TMEM178B: variants seen among roughly 807,000 people sequenced by gnomAD.
TMEM178B encodes the protein transmembrane protein 178B.
Under a neutral mutation model 31.0 loss-of-function variants are expected in TMEM178B, and 5 were observed. The ratio of observed to expected loss-of-function variants is 0.16; its 90% CI spans 0.08 to 0.34. The LOEUF (loss-of-function observed/expected upper bound fraction) is 0.34. Ranked by LOEUF, TMEM178B falls within the 10% of genes least tolerant of loss-of-function variation. The pLI, the probability that TMEM178B is intolerant of heterozygous loss-of-function variation, is 1.00. For missense variants in TMEM178B, 275 were observed against 400.3 expected (o/e 0.69, Z 2.67); for synonymous variants, 164 against 164.0 (o/e 1.00, Z 0.00).
chr7:141,468,000 A>G (rs1802176105), intron 3 of TMEM178B, among the ~76,000 whole-genome samples: 1 of 151,804 alleles, frequency 6.6e-6, no homozygotes, highest in Non-Finnish European at 1.5e-5. Flanking sequence ...CAAAACAACA[A>G]TAAAATAAAA....
At chr7:141,216,455 G>GCGCA (rs1797151308) in intron 2 of TMEM178B, among the ~76,000 whole-genome samples, 2 of 25,596 alleles carry the variant, frequency 7.8e-5, no homozygotes, top group African/African-American at 1.4e-4. Context: ...GTGTGCGCGC[G>GCGCA]CGCGCGCGTG....
chr7:141,274,114 A>G (rs1224449421), intron 2 of TMEM178B, among the ~76,000 whole-genome samples: 1 of 152,168 alleles, frequency 6.6e-6, no homozygotes, highest in Non-Finnish European at 1.5e-5. Flanking sequence ...GAGCTTTTCT[A>G]TGCCACTCCT....
At chr7:141,510,685 C>CAAAAAAAAAAAAAAAAAAAAAAAAAA in the TMEM178B span, among the ~76,000 whole-genome samples, 24 of 24,966 alleles carry the variant, frequency 9.6e-4, 6 homozygotes, top group Non-Finnish European at 1.3e-3. Context: ...AACTCCGTCT[C>CAAAAAAAAAAAAAAAAAAAAAAAAAA]AAAAAAAAAA....
intron 1 of TMEM178B, among the ~76,000 whole-genome samples, chr7:141,199,477 A>G (rs1796840674): frequency 6.6e-6 from 1 of 152,234 alleles, no homozygotes; most frequent in South Asian, 2.1e-4. Flanking sequence ...CATCCGTTGT[A>G]GTGGGAGAGG....
intron 1 of TMEM178B, among the ~76,000 whole-genome samples, chr7:141,195,611 C>T (rs1586819967): frequency 1.3e-5 from 2 of 152,228 alleles, no homozygotes; most frequent in South Asian, 4.1e-4. Context: ...TCTGAGCCCT[C>T]CAAACTGTTC....
chr7:141,490,507 G>T, the TMEM178B span, among the ~76,000 whole-genome samples: 1 of 152,226 alleles, frequency 6.6e-6, no homozygotes, highest in African/African-American at 2.4e-5. Flanking sequence ...GCATGGAACA[G>T]ATTCTCCCTC....
intron 2 of TMEM178B, among the ~76,000 whole-genome samples, chr7:141,327,574 C>A (rs971758072): frequency 6.6e-6 from 1 of 152,100 alleles, no homozygotes; most frequent in Non-Finnish European, 1.5e-5. Context: ...ATGTTCAAAT[C>A]CCTTTTTGGG....
chr7:141,345,239 A>C (rs1799598574), intron 2 of TMEM178B, among the ~76,000 whole-genome samples: 1 of 152,176 alleles, frequency 6.6e-6, no homozygotes, highest in Admixed American at 6.5e-5. Context: ...CAATAGTACC[A>C]AAGTCAGCAA....
intron 1 of TMEM178B, among the ~76,000 whole-genome samples, chr7:141,111,354 T>G (rs1311509756): frequency 6.6e-6 from 1 of 152,036 alleles, no homozygotes; most frequent in Non-Finnish European, 1.5e-5. Flanking sequence ...CCATGACACT[T>G]GAGGATTATG....
intron 2 of TMEM178B, among the ~76,000 whole-genome samples, chr7:141,391,928 G>A (rs535308163): frequency 5.9e-4 from 90 of 152,244 alleles, no homozygotes; most frequent in Non-Finnish European, 1.0e-3. Context: ...CCATTCATCC[G>A]TCAGCGGATA....
At chr7:141,104,437 G>C (rs899619605) in intron 1 of TMEM178B, among the ~76,000 whole-genome samples, 3 of 152,158 alleles carry the variant, frequency 2.0e-5, no homozygotes, top group African/African-American at 7.2e-5. Flanking sequence ...GCAAAGCCGG[G>C]ATTCTTTCTA....
chr7:141,496,499 T>C, the TMEM178B span, among the ~76,000 whole-genome samples: 2 of 150,918 alleles, frequency 1.3e-5, no homozygotes, highest in East Asian at 3.9e-4. Context: ...TGAAACCCCG[T>C]CTCTACTAAA....
chr7:141,260,471 C>T (rs1797995562), intron 2 of TMEM178B, among the ~76,000 whole-genome samples: 1 of 152,088 alleles, frequency 6.6e-6, no homozygotes, highest in South Asian at 2.1e-4. Flanking sequence ...AAGGATTTTG[C>T]AGACTTCTCA....
At chr7:141,313,236 G>C (rs1798944504) in intron 2 of TMEM178B, among the ~76,000 whole-genome samples, 1 of 152,092 alleles carries the variant, frequency 6.6e-6, no homozygotes, top group South Asian at 2.1e-4. Flanking sequence ...GTTGCTAAGG[G>C]GTATAATAGA....
intron 1 of TMEM178B, among the ~76,000 whole-genome samples, chr7:141,159,368 C>T (rs2129181423): frequency 6.6e-6 from 1 of 152,294 alleles, no homozygotes; most frequent in Non-Finnish European, 1.5e-5. Context: ...ATCCCAGCTC[C>T]TCGCTCTGGA....
At position 141,472,795 on chromosome 7, in the gene TMEM178B, G is replaced by A. The variant is rs10235351; in HGVS notation, c.*2009G>A. On this transcript the variant is annotated 3_prime_UTR_variant, in exon 4 of 4. Coordinates refer to ENST00000565468, the MANE Select transcript of TMEM178B (RefSeq NM_001195278.2). The stretch of plus-strand genomic sequence containing the variant: ...ACCCTCATCTGCTCCTTTGAACTGC[G>A]TGTATGTAATTCATATCTGGATATG... 1 of 152,220 alleles carries A rather than the reference G, an allele frequency of 6.6e-6. No homozygotes were observed. The highest frequency in any genetic ancestry group is 1.9e-4 in the East Asian group (1 of 5,174). 9.4% of individuals were successfully genotyped at this position (152,220 alleles called of 1,614,324 possible).
At chr7:141,394,082 G>A (rs1042459674) in intron 2 of TMEM178B, among the ~76,000 whole-genome samples, 2 of 151,616 alleles carry the variant, frequency 1.3e-5, no homozygotes, top group African/African-American at 4.8e-5. Flanking sequence ...CTGATGACGT[G>A]CAGTTGGGTT....
At chr7:141,129,708 A>G (rs1430262989) in intron 1 of TMEM178B, among the ~76,000 whole-genome samples, 2 of 152,214 alleles carry the variant, frequency 1.3e-5, no homozygotes, top group Non-Finnish European at 2.9e-5. Flanking sequence ...TATAGCCCTC[A>G]GGAGGGCCTG....
intron 2 of TMEM178B, among the ~76,000 whole-genome samples, chr7:141,228,764 C>G (rs541173988): frequency 6.6e-6 from 1 of 152,250 alleles, no homozygotes; most frequent in South Asian, 2.1e-4. Context: ...TCATTTTCCT[C>G]CATTCGCTCG....
Sources: gnomAD v4.1 joint callset for allele counts (sites outside exome capture counted in the v4.1 genomes callset) on GRCh38, gnomAD v4.1.1 for gene constraint, MANE v1.5 for transcripts, NCBI Gene and HGNC (gene_info 2026-07-23, HGNC 2026-07-21) for gene names.